GPC5: variants seen among roughly 807,000 people sequenced by gnomAD.
The protein encoded by GPC5 is glypican 5.
In GPC5, 47 loss-of-function variants were observed where a neutral mutation model predicts 53.9. The observed-to-expected ratio is 0.87, with a 90% CI of 0.69 to 1.11. The LOEUF (loss-of-function observed/expected upper bound fraction) is 1.11, where lower values mean the gene tolerates loss of function less well. Ranked by LOEUF, GPC5 falls within the 50% of genes most tolerant of loss-of-function variation. The pLI is 0.00. For synonymous variants in GPC5, 286 were observed against 263.3 expected, an observed-to-expected ratio of 1.09 and a Z score of -0.84; for missense variants, 748 against 713.1, an observed-to-expected ratio of 1.05 and a Z score of -0.56.
chr13:91,622,849 C>G (rs1196615872), intron 2 of GPC5, among the ~76,000 whole-genome samples: 1 of 152,106 alleles, frequency 6.6e-6, no homozygotes, highest in African/African-American at 2.4e-5. Context: ...ATAAAATTTA[C>G]CTGTTTGGCT....
At chr13:92,805,348 G>C (rs962155254) in intron 7 of GPC5, among the ~76,000 whole-genome samples, 17 of 152,164 alleles carry the variant, frequency 1.1e-4, no homozygotes, top group Admixed American at 5.2e-4. Flanking sequence ...TGCATTAGCA[G>C]GCATGGAAAC....
intron 6 of GPC5, among the ~76,000 whole-genome samples, chr13:91,941,496 A>T (rs1291055958): frequency 3.3e-5 from 5 of 151,898 alleles, no homozygotes; most frequent in Admixed American, 2.6e-4. Flanking sequence ...AGTTCCTAGG[A>T]ACTCTCTCTT....
intron 3 of GPC5, among the ~76,000 whole-genome samples, chr13:91,715,134 G>A (rs575313923): frequency 5.3e-5 from 8 of 152,288 alleles, no homozygotes; most frequent in Non-Finnish European, 1.2e-4. Flanking sequence ...AGCAGCTCCA[G>A]GGTGTTGCCA....
intron 6 of GPC5, among the ~76,000 whole-genome samples, chr13:91,944,722 T>C (rs72633741): frequency 1.3e-5 from 2 of 152,196 alleles, no homozygotes; most frequent in African/African-American, 4.8e-5. Flanking sequence ...CCAAACTAGG[T>C]TGACTGAACT....
At chr13:91,948,407 ATATTCATT>A (rs1472546822) in intron 6 of GPC5, among the ~76,000 whole-genome samples, 3 of 152,106 alleles carry the variant, frequency 2.0e-5, no homozygotes, top group Admixed American at 6.5e-5. Flanking sequence ...CATTCAATTA[ATATTCATT>A]GAATGTGTAC....
chr13:91,745,852 C>A (rs570096245), intron 4 of GPC5, among the ~76,000 whole-genome samples: 55 of 152,252 alleles, frequency 3.6e-4, no homozygotes, highest in Admixed American at 1.2e-3. Context: ...CCCTCTCTTC[C>A]CAGAATGGGC....
chr13:91,402,629 A>G (rs1033013259), intron 1 of GPC5, among the ~76,000 whole-genome samples: 14 of 152,254 alleles, frequency 9.2e-5, no homozygotes, highest in Admixed American at 9.2e-4. Context: ...GTTTGCATAG[A>G]TAAAATGAAA....
At chr13:92,207,034 A>G (rs2042342826) in intron 7 of GPC5, among the ~76,000 whole-genome samples, 1 of 152,094 alleles carries the variant, frequency 6.6e-6, no homozygotes, top group South Asian at 2.1e-4. Context: ...CTATCTTCTT[A>G]TTCATTTTTT....
intron 7 of GPC5, among the ~76,000 whole-genome samples, chr13:92,238,048 G>T (rs1223571162): frequency 6.6e-6 from 1 of 151,834 alleles, no homozygotes; most frequent in African/African-American, 2.4e-5. Context: ...AACACATTTT[G>T]TTTATCCACT....
At chr13:91,784,561 C>A (rs1310327089) in intron 5 of GPC5, among the ~76,000 whole-genome samples, 4 of 151,926 alleles carry the variant, frequency 2.6e-5, no homozygotes, top group Non-Finnish European at 5.9e-5. Context: ...CTGGTCTCTA[C>A]TAAAAATACA....
chr13:91,483,980 A>G (rs1000149451), intron 2 of GPC5, among the ~76,000 whole-genome samples: 6 of 152,332 alleles, frequency 3.9e-5, no homozygotes, highest in Admixed American at 2.6e-4. Flanking sequence ...CATTAATATT[A>G]CATCCATATT....
At chr13:91,449,712 A>C (rs1230377601) in intron 2 of GPC5, among the ~76,000 whole-genome samples, 1 of 152,208 alleles carries the variant, frequency 6.6e-6, no homozygotes, top group Non-Finnish European at 1.5e-5. Flanking sequence ...TAATTCAAGC[A>C]ATATGTTCAG....
At chr13:92,618,255 A>C (rs1221492286) in intron 7 of GPC5, among the ~76,000 whole-genome samples, 2 of 152,164 alleles carry the variant, frequency 1.3e-5, no homozygotes, top group African/African-American at 4.8e-5. Flanking sequence ...AGGCCAAACT[A>C]ACGTAGTATT....
intron 7 of GPC5, among the ~76,000 whole-genome samples, chr13:92,424,276 A>G (rs945995801): frequency 6.6e-6 from 1 of 151,914 alleles, no homozygotes; most frequent in African/African-American, 2.4e-5. Flanking sequence ...CTTCTTTCCA[A>G]TTTTCTGTAT....
At chr13:91,658,461 G>C (rs1045599894) in intron 2 of GPC5, among the ~76,000 whole-genome samples, 2 of 151,932 alleles carry the variant, frequency 1.3e-5, no homozygotes, top group East Asian at 1.9e-4. Flanking sequence ...AATTAATAAG[G>C]CCAACTAATT....
intron 2 of GPC5, among the ~76,000 whole-genome samples, chr13:91,462,597 A>G (rs1882002749): frequency 6.6e-6 from 1 of 152,126 alleles, no homozygotes; most frequent in Non-Finnish European, 1.5e-5. Context: ...TCTGTAAGAC[A>G]TTGTAGAGGG....
At position 91,742,915 on chromosome 13, in the gene GPC5, A is replaced by C. The variant is rs143697729; in HGVS notation, c.1155-13380A>C. 1.9e-4 allele frequency among the ~76,000 whole-genome samples: 29 copies of C among 152,312 alleles called. 1 individual carries two copies. The highest frequency in any genetic ancestry group is 6.5e-4 in the African/African-American group (27 of 41,580). ...GAAAGAATAATAAGTATAATTTTATAGCCATAGACATGGCTAGAAATTGGA... is the reference window on the plus strand; with the variant it reads ...GAAAGAATAATAAGTATAATTTTATCGCCATAGACATGGCTAGAAATTGGA... On this transcript the variant is annotated intron_variant, in intron 4 of 7. Transcript: ENST00000377067.
chr13:91,818,697 C>A (rs1489609849), intron 5 of GPC5, among the ~76,000 whole-genome samples: 3 of 152,166 alleles, frequency 2.0e-5, no homozygotes, highest in Non-Finnish European at 4.4e-5. Flanking sequence ...AGAAACAAAA[C>A]CGGGGAAGAT....
intron 6 of GPC5, among the ~76,000 whole-genome samples, chr13:92,070,977 C>T (rs2041206344): frequency 6.6e-6 from 1 of 152,124 alleles, no homozygotes; most frequent in African/African-American, 2.4e-5. Flanking sequence ...GTGGCTCACG[C>T]CTGTAATCCC....
Sources: allele counts gnomAD v4.1 joint callset (sites outside exome capture counted in the v4.1 genomes callset), GRCh38; gene constraint gnomAD v4.1.1; transcripts MANE v1.5; gene names NCBI Gene and HGNC (gene_info 2026-07-23, HGNC 2026-07-21).